The following GRIA4 variants were observed in gnomAD, a reference collection of about 807,000 sequenced individuals.
GRIA4 encodes glutamate ionotropic receptor AMPA type subunit 4.
A neutral mutation model predicts 104.0 loss-of-function variants in GRIA4; 34 were observed. The ratio of observed to expected loss-of-function variants is 0.33; its 90% confidence interval spans 0.25 to 0.44. GRIA4 has a LOEUF of 0.44. Ranked by LOEUF, GRIA4 falls within the 20% of genes least tolerant of loss-of-function variation. GRIA4 has a pLI of 1.00. For synonymous variants in GRIA4, 386 were observed against 381.9 expected (o/e 1.01, Z -0.13); for missense variants, 750 against 1,096.5 (o/e 0.68, Z 4.46).
chr11:105,630,435 G>A (rs933945376), intron 3 of GRIA4, among the ~76,000 whole-genome samples: 16 of 152,050 alleles, frequency 1.1e-4, no homozygotes, highest in Admixed American at 3.3e-4. Flanking sequence ...GTGGTGGCAT[G>A]TGCCTGTAAT....
In GRIA4 at chr11:105,926,755, G is replaced by A. The variant is rs1304512680; in HGVS notation, c.1862G>A (p.Arg621Gln). 1.2e-6 allele frequency: 2 copies of A among 1,602,698 alleles called. No homozygotes were observed. Among genetic ancestry groups the A allele is most frequent in the Non-Finnish European group, 1.7e-6 (2 of 1,170,050 alleles). The change falls in exon 13 of 17, where the codon CGA becomes CAA. Residue 621 changes from arginine (R) to glutamine (Q), a missense_variant. Arg to Gln is a conservative substitution (Grantham distance 43, BLOSUM62 1). Coordinates refer to ENST00000282499, the MANE Select transcript of GRIA4 (RefSeq NM_000829.4). Reference sequence around the variant, plus strand: ...TCCATGTTTAGATCCCTCTCAGGTCGAATTGTTGGAGGTGTTTGGTGGTTC... The same window carrying A: ...TCCATGTTTAGATCCCTCTCAGGTCAAATTGTTGGAGGTGTTTGGTGGTTC... ...CDISPRSLSGRIVGGVWWFFT... is the reference protein window; with the variant it reads ...CDISPRSLSGQIVGGVWWFFT...
At chr11:105,966,152 C>A in intron 14 of GRIA4, 1 of 847,880 alleles carries the variant, frequency 1.2e-6, no homozygotes, top group Non-Finnish European at 2.0e-6. Flanking sequence ...CTCCTAATAC[C>A]AGTCGAATTG....
intron 3 of GRIA4, chr11:105,707,201 T>A (rs1430631281): frequency 1.3e-5 from 2 of 154,140 alleles, no homozygotes; most frequent in African/African-American, 4.8e-5. Context: ...TTGCTACTGG[T>A]GGTTAAATAT....
intron 14 of GRIA4, among the ~76,000 whole-genome samples, chr11:105,954,215 C>T (rs1048316730): frequency 2.0e-5 from 3 of 152,124 alleles, no homozygotes; most frequent in Non-Finnish European, 2.9e-5. Flanking sequence ...AGGGACAAAA[C>T]CAACTGAACC....
intron 14 of GRIA4, among the ~76,000 whole-genome samples, chr11:105,934,895 A>G (rs1268398079): frequency 1.3e-5 from 2 of 152,154 alleles, no homozygotes; most frequent in African/African-American, 4.8e-5. Flanking sequence ...GCTTAGGAGA[A>G]ATGTATACAA....
At chr11:105,837,412 C>T (rs910590482) in intron 4 of GRIA4, among the ~76,000 whole-genome samples, 1 of 151,966 alleles carries the variant, frequency 6.6e-6, no homozygotes, top group Non-Finnish European at 1.5e-5. Flanking sequence ...GAGTCAATGA[C>T]ATTGGAAAAA....
In GRIA4 at chr11:105,611,244, C is replaced by G. The variant is rs1950471682; in HGVS notation, c.88+159C>G. On this transcript the variant is annotated intron_variant, in intron 2 of 16. Coordinates refer to ENST00000282499, the MANE Select transcript of GRIA4 (RefSeq NM_000829.4). ...TTTCTCTCCTTTGCAAAAAGACTTC[C>G]TCTTTAGTGCAGGTTCCGTTGGAAT... is the stretch of plus-strand genomic sequence containing the variant. Among the ~76,000 whole-genome samples the G allele has an allele frequency of 1.3e-5, 2 of 152,024 alleles. 1 individual carries two copies. Among genetic ancestry groups the G allele is most frequent in the South Asian group, 4.1e-4 (2 of 4,826 alleles).
intron 14 of GRIA4, among the ~76,000 whole-genome samples, chr11:105,964,803 T>G (rs1256885068): frequency 2.0e-5 from 3 of 149,050 alleles, no homozygotes; most frequent in Non-Finnish European, 3.0e-5. Flanking sequence ...TGTTTTTTTT[T>G]TGTTTGTTTG....
At position 105,979,817 on chromosome 11, in the gene GRIA4, C is replaced by T; in HGVS notation, c.*78C>T. 1 of 1,096,666 alleles carries T rather than the reference C, an allele frequency of 9.1e-7. No individual in the cohort carries two copies. Among genetic ancestry groups the T allele is most frequent in the Non-Finnish European group, 1.3e-6 (1 of 746,314 alleles). 67.9% of individuals were successfully genotyped at this position (1,096,666 alleles called of 1,614,324 possible). On this transcript the variant is annotated 3_prime_UTR_variant, in exon 17 of 17. Coordinates refer to ENST00000282499, the MANE Select transcript of GRIA4 (RefSeq NM_000829.4). Reference sequence around the variant, plus strand: ...ACGCAGCCCTGAGGGACACGCCACGCGCGGGTCTTTGCTAAACCAATCCTT... The same window carrying T: ...ACGCAGCCCTGAGGGACACGCCACGTGCGGGTCTTTGCTAAACCAATCCTT...
chr11:105,824,821 G>T (rs956410782), intron 4 of GRIA4: 3 of 152,068 alleles, frequency 2.0e-5, no homozygotes, highest in Admixed American at 6.6e-5. Context: ...TCTACAGCCG[G>T]AGATACTTAA....
intron 4 of GRIA4, among the ~76,000 whole-genome samples, chr11:105,861,059 T>G (rs1945205701): frequency 6.6e-6 from 1 of 152,022 alleles, no homozygotes. Flanking sequence ...GCAGGAATTA[T>G]GAGTTTACAG....
At chr11:105,927,776 G>A (rs1056815665) in intron 13 of GRIA4, among the ~76,000 whole-genome samples, 4 of 151,290 alleles carry the variant, frequency 2.6e-5, no homozygotes, top group Non-Finnish European at 4.4e-5. Flanking sequence ...TAACAGATAG[G>A]CATTCATTTT....
At chr11:105,854,957 T>C (rs887149111) in intron 4 of GRIA4, among the ~76,000 whole-genome samples, 8 of 152,210 alleles carry the variant, frequency 5.3e-5, no homozygotes, top group Non-Finnish European at 1.0e-4. Flanking sequence ...AATATCTACT[T>C]CACAGGGCTG....
chr11:105,649,099 A>G (rs1168585177), intron 3 of GRIA4, among the ~76,000 whole-genome samples: 1 of 152,122 alleles, frequency 6.6e-6, no homozygotes, highest in Non-Finnish European at 1.5e-5. Context: ...GCTACTTACA[A>G]CTCTATAAAT....
chr11:105,681,760 A>G (rs533718504), intron 3 of GRIA4, among the ~76,000 whole-genome samples: 59 of 152,316 alleles, frequency 3.9e-4, no homozygotes, highest in African/African-American at 1.4e-3. Context: ...GATTAAAAAC[A>G]GGCCGGGTGC....
intron 10 of GRIA4, chr11:105,911,979 G>A: frequency 6.8e-7 from 1 of 1,465,342 alleles, no homozygotes; most frequent in Non-Finnish European, 9.1e-7. Flanking sequence ...CTCCAGTGTA[G>A]TAAATTTAAG....
chr11:105,898,482 A>G (rs1383071243), intron 7 of GRIA4, 55 bp downstream of exon 7: 2 of 1,053,914 alleles, frequency 1.9e-6, no homozygotes, highest in Non-Finnish European at 2.8e-6. Flanking sequence ...TTTAAGATGA[A>G]AAGTTTATTA....
intron 4 of GRIA4, among the ~76,000 whole-genome samples, chr11:105,805,478 G>GAAAAAAAAAAAAAAAAACAA (rs1942910430): frequency 2.2e-5 from 2 of 92,504 alleles, no homozygotes; most frequent in Admixed American, 1.2e-4. Context: ...AAGAAATCAG[G>GAAAAAAAAAAAAAAAAACAA]AAAAAAAAAA....
rs143208414 is a variant in GRIA4, at chr11:105,705,512, C to T, written c.248-47469C>T. ...GAGAAAATGTTTGCAATGTGTAACA[C>T]AAAGGAGTAATCTCCCCAGTACATA... On this transcript the variant is annotated intron_variant, in intron 3 of 16. Transcript: ENST00000282499. 7.2e-4 allele frequency among the ~76,000 whole-genome samples: 110 copies of T among 152,018 alleles called. 1 individual carries two copies. In the East Asian group the frequency reaches 0.018, roughly 25 times the overall value.
Sources: gnomAD v4.1 joint callset for allele counts (sites outside exome capture counted in the v4.1 genomes callset) on GRCh38, gnomAD v4.1.1 for gene constraint, MANE v1.5 for transcripts, NCBI Gene and HGNC (gene_info 2026-07-23, HGNC 2026-07-21) for gene names.